The following NHSL3 variants were observed in gnomAD, a reference collection of about 807,000 sequenced individuals.
The protein encoded by NHSL3 is NHS like 3.
chr1:32,768,108 G>T, the NHSL3 span: 1 of 1,604,312 alleles, frequency 6.2e-7, no homozygotes, highest in Non-Finnish European at 8.5e-7. Context: ...GAGACACCCA[G>T]AGTATCCAGG....
chr1:32,753,716 T>G, the NHSL3 span, among the ~76,000 whole-genome samples: 2 of 152,238 alleles, frequency 1.3e-5, no homozygotes, highest in African/African-American at 2.4e-5. Context: ...GCAGCAGGGC[T>G]GCGGATCCGC....
the NHSL3 span, chr1:32,753,973 T>G: frequency 1.1e-5 from 4 of 357,256 alleles, no homozygotes; most frequent in Admixed American, 5.0e-5. Context: ...GAGCTGGGGC[T>G]GGGGGCGCCC....
the NHSL3 span, among the ~76,000 whole-genome samples, chr1:32,757,414 A>G: frequency 2.8e-5 from 4 of 145,256 alleles, no homozygotes; most frequent in African/African-American, 1.0e-4. Flanking sequence ...AATCCAGGGG[A>G]GAGGTGATGA....
At chr1:32,747,187 G>T in the NHSL3 span, among the ~76,000 whole-genome samples, 103 of 148,068 alleles carry the variant, frequency 7.0e-4, no homozygotes, top group Middle Eastern at 3.5e-3. Context: ...TTTTTTTTTT[G>T]TTTTGTTTTG....
chr1:32,763,730 C>G, the NHSL3 span, among the ~76,000 whole-genome samples: 1 of 152,088 alleles, frequency 6.6e-6, no homozygotes, highest in Non-Finnish European at 1.5e-5. Flanking sequence ...TACCACCACG[C>G]CCGGCTAATT....
the NHSL3 span, among the ~76,000 whole-genome samples, chr1:32,752,901 G>GCGCA: frequency 1.4e-5 from 1 of 71,622 alleles, no homozygotes; most frequent in South Asian, 6.2e-4. Context: ...AAAAAAACAT[G>GCGCA]CACACACACA....
At chr1:32,770,919 C>T in the NHSL3 span, 1 of 1,611,434 alleles carries the variant, frequency 6.2e-7, no homozygotes, top group Non-Finnish European at 8.5e-7. This position sits in a 1 kb window ranked among gnomAD's most constrained non-coding sequence, Gnocchi z 8.3. Flanking sequence ...CACTTTCGCC[C>T]TCCAGTGGAT....
chr1:32,771,695 C>T, the NHSL3 span: 18 of 1,611,894 alleles, frequency 1.1e-5, no homozygotes, highest in South Asian at 7.7e-5. Context: ...CCTCCAGCTC[C>T]GCCAGCCCCA....
chr1:32,768,721 A>G, the NHSL3 span: 1 of 1,614,174 alleles, frequency 6.2e-7, no homozygotes, highest in Non-Finnish European at 8.5e-7. Context: ...CGTGGCTGAG[A>G]GCTCCACAGC....
the NHSL3 span, chr1:32,771,002 C>T: frequency 1.1e-5 from 17 of 1,609,604 alleles, 1 homozygote; most frequent in South Asian, 1.6e-4. Flanking sequence ...CCAGGCAAGG[C>T]CCAGCCCCCT....
the NHSL3 span, among the ~76,000 whole-genome samples, chr1:32,742,658 C>T: frequency 6.6e-6 from 1 of 152,240 alleles, no homozygotes; most frequent in African/African-American, 2.4e-5. Flanking sequence ...ATCTGGATTT[C>T]CAGCCCCACA....
At chr1:32,745,122 A>G in the NHSL3 span, among the ~76,000 whole-genome samples, 6 of 141,190 alleles carry the variant, frequency 4.2e-5, no homozygotes, top group Non-Finnish European at 6.3e-5. Context: ...CGAGACTCAG[A>G]AAAAAAAAAA....
At chr1:32,771,116 C>T in the NHSL3 span, 1 of 1,613,646 alleles carries the variant, frequency 6.2e-7, no homozygotes, top group Non-Finnish European at 8.5e-7. Flanking sequence ...TCAGACCGCT[C>T]TGGGCCACAG....
At chr1:32,746,203 C>A in the NHSL3 span, among the ~76,000 whole-genome samples, 1 of 139,278 alleles carries the variant, frequency 7.2e-6, no homozygotes, top group Non-Finnish European at 1.5e-5. Flanking sequence ...TGCACTCTAG[C>A]CTGGGCGACA....
chr1:32,748,262 G>A, the NHSL3 span, among the ~76,000 whole-genome samples: 4 of 152,108 alleles, frequency 2.6e-5, no homozygotes, highest in African/African-American at 7.2e-5. Context: ...CTGGGCGACG[G>A]GAGTTCAACT....
the NHSL3 span, chr1:32,772,542 C>T: frequency 1.2e-5 from 17 of 1,455,554 alleles, no homozygotes; most frequent in African/African-American, 2.1e-4. Context: ...TTTAACTTTT[C>T]TGGTCTGAGA....
chr1:32,748,669 G>T, the NHSL3 span, among the ~76,000 whole-genome samples: 1 of 152,140 alleles, frequency 6.6e-6, no homozygotes, highest in South Asian at 2.1e-4. Context: ...GGCAGTATAT[G>T]CTTTTCCAGC....
chr1:32,757,419 T>G, the NHSL3 span, among the ~76,000 whole-genome samples: 4 of 139,716 alleles, frequency 2.9e-5, no homozygotes, highest in South Asian at 2.3e-4. Context: ...AGGGGAGAGG[T>G]GATGAGGTGA....
the NHSL3 span, among the ~76,000 whole-genome samples, chr1:32,763,144 C>T: frequency 2.6e-4 from 40 of 151,944 alleles, no homozygotes; most frequent in Middle Eastern, 3.4e-3. Flanking sequence ...CCACCATGCC[C>T]GGCTCATTTT....
Sources: allele counts gnomAD v4.1 joint callset (sites outside exome capture counted in the v4.1 genomes callset), GRCh38; gene constraint gnomAD v4.1.1; non-coding constraint Gnocchi (gnomAD v3.1); transcripts MANE v1.5; gene names NCBI Gene and HGNC (gene_info 2026-07-23, HGNC 2026-07-21).